The following NCKAP5 variants were observed in gnomAD, a reference collection of about 807,000 sequenced individuals.
NCKAP5 encodes the protein NCK associated protein 5.
In NCKAP5, 92 loss-of-function variants were observed where a neutral mutation model predicts 167.0. The observed-to-expected ratio is 0.55, with a 90% CI of 0.47 to 0.66. NCKAP5 has a LOEUF of 0.66. Ranked by LOEUF, NCKAP5 falls within the 30% of genes least tolerant of loss-of-function variation. NCKAP5 has a pLI of 0.00. For missense variants in NCKAP5, 2,378 were observed against 2,315.0 expected (o/e 1.03, Z -0.56); for synonymous variants, 891 against 877.4 (o/e 1.02, Z -0.27).
At chr2:133,285,190 C>T (rs1428252286) in intron 4 of NCKAP5, among the ~76,000 whole-genome samples, 1 of 152,208 alleles carries the variant, frequency 6.6e-6, no homozygotes, top group Non-Finnish European at 1.5e-5. Context: ...GAAAATATCA[C>T]AGACCACATC....
rs566419271 is a variant in NCKAP5, at chr2:133,083,020, T to A, written c.341+46958A>T. On this transcript the variant is annotated intron_variant, in intron 6 of 19. Coordinates refer to ENST00000409261, the MANE Select transcript of NCKAP5 (RefSeq NM_207363.3). ...CAGGAGAGATGCCACAGTGACCACATGGTTGGGACAACGAGCATCTTGAGT... is the reference window on the plus strand; with the variant it reads ...CAGGAGAGATGCCACAGTGACCACAAGGTTGGGACAACGAGCATCTTGAGT... Among the ~76,000 whole-genome samples the A allele has an allele frequency of 2.4e-4, 37 of 152,208 alleles. No homozygotes were observed. The South Asian group carries it at 2.9e-3, about 12-fold the overall frequency.
intron 19 of NCKAP5, among the ~76,000 whole-genome samples, chr2:132,703,858 C>T (rs2105265161): frequency 6.6e-6 from 1 of 152,086 alleles, no homozygotes; most frequent in East Asian, 1.9e-4. Flanking sequence ...GTTTGAATCC[C>T]TAATAGTATT....
chr2:133,378,943 A>C (rs368384888), intron 3 of NCKAP5, among the ~76,000 whole-genome samples: 12 of 152,318 alleles, frequency 7.9e-5, no homozygotes, highest in African/African-American at 2.9e-4. Flanking sequence ...TAATTATTTC[A>C]ATAAACGAGC....
At chr2:132,697,651 A>G (rs1687473694) in intron 19 of NCKAP5, among the ~76,000 whole-genome samples, 1 of 151,856 alleles carries the variant, frequency 6.6e-6, no homozygotes, top group Admixed American at 6.6e-5. Context: ...GTGTATGTAC[A>G]CGATGACATT....
At chr2:133,292,289 T>A (rs1418854334) in intron 4 of NCKAP5, among the ~76,000 whole-genome samples, 2 of 151,906 alleles carry the variant, frequency 1.3e-5, no homozygotes, top group African/African-American at 4.8e-5. Context: ...ACCCATTTCA[T>A]TTCTCCTTCT....
chr2:133,029,834 T>C (rs1179023678), intron 6 of NCKAP5, among the ~76,000 whole-genome samples: 1 of 152,184 alleles, frequency 6.6e-6, no homozygotes, highest in Non-Finnish European at 1.5e-5. Context: ...TCACTCTCAT[T>C]TATTTTCCTG....
At chr2:133,606,221 C>A in the NCKAP5 span, among the ~76,000 whole-genome samples, 1 of 151,960 alleles carries the variant, frequency 6.6e-6, no homozygotes, top group Non-Finnish European at 1.5e-5. Flanking sequence ...AAAATAATAC[C>A]ATGCCCAATA....
intron 6 of NCKAP5, among the ~76,000 whole-genome samples, chr2:133,091,744 G>A (rs1012869710): frequency 1.4e-4 from 21 of 152,082 alleles, no homozygotes; most frequent in Middle Eastern, 3.4e-3. Flanking sequence ...AAAATTAGCC[G>A]GGCATGGTGG....
intron 6 of NCKAP5, among the ~76,000 whole-genome samples, chr2:133,004,894 G>A (rs1458534747): frequency 6.6e-6 from 1 of 152,106 alleles, no homozygotes; most frequent in Non-Finnish European, 1.5e-5. Context: ...CCTTTCTCAG[G>A]GTTATTCCTT....
chr2:133,222,745 C>A (rs2086710037), intron 4 of NCKAP5, among the ~76,000 whole-genome samples: 1 of 152,142 alleles, frequency 6.6e-6, no homozygotes, highest in Non-Finnish European at 1.5e-5. Flanking sequence ...GCTGCTCATG[C>A]AGACTGGAAA....
At chr2:133,044,585 G>A (rs2079328537) in intron 6 of NCKAP5, among the ~76,000 whole-genome samples, 1 of 152,110 alleles carries the variant, frequency 6.6e-6, no homozygotes, top group African/African-American at 2.4e-5. Flanking sequence ...ATCAAAACTT[G>A]GCAGGATGTG....
intron 19 of NCKAP5, among the ~76,000 whole-genome samples, chr2:132,675,044 T>C (rs937381790): frequency 1.3e-5 from 2 of 152,228 alleles, no homozygotes; most frequent in African/African-American, 4.8e-5. Flanking sequence ...AATTTTCTCT[T>C]TACCTGGATG....
intron 4 of NCKAP5, among the ~76,000 whole-genome samples, chr2:133,285,484 T>A (rs1679042325): frequency 6.6e-6 from 1 of 151,674 alleles, no homozygotes; most frequent in Non-Finnish European, 1.5e-5. Context: ...ACTCTCTTGC[T>A]AATGTAGTAA....
At chr2:133,623,027 G>A in the NCKAP5 span, among the ~76,000 whole-genome samples, 1 of 152,074 alleles carries the variant, frequency 6.6e-6, no homozygotes, top group South Asian at 2.1e-4. Flanking sequence ...CTTTGACAAA[G>A]TAAACAAAAA....
At chr2:133,486,349 G>T (rs1375205758) in intron 3 of NCKAP5, among the ~76,000 whole-genome samples, 1 of 152,216 alleles carries the variant, frequency 6.6e-6, no homozygotes, top group Non-Finnish European at 1.5e-5. Flanking sequence ...TTGCATTTGA[G>T]ATATTTCACT....
At chr2:133,474,800 GT>G (rs11448604) in intron 3 of NCKAP5, among the ~76,000 whole-genome samples, 5 of 148,614 alleles carry the variant, frequency 3.4e-5, no homozygotes, top group South Asian at 2.2e-4. Context: ...GAATTCTAGG[GT>G]TTTTTTTTTG....
At chr2:132,942,812 A>G (rs1697398337) in intron 8 of NCKAP5, among the ~76,000 whole-genome samples, 1 of 152,240 alleles carries the variant, frequency 6.6e-6, no homozygotes, top group African/African-American at 2.4e-5. Flanking sequence ...ACCAGGCCAA[A>G]GTAATCAAGT....
At chr2:133,489,224 G>A (rs949240778) in intron 3 of NCKAP5, among the ~76,000 whole-genome samples, 13 of 152,158 alleles carry the variant, frequency 8.5e-5, no homozygotes, top group African/African-American at 3.1e-4. Context: ...AGAAACTATA[G>A]GCATACATAC....
chr2:133,333,261 T>C (rs1292619277), intron 3 of NCKAP5, among the ~76,000 whole-genome samples: 5 of 152,142 alleles, frequency 3.3e-5, no homozygotes, highest in Admixed American at 1.3e-4. Context: ...GGGATGATAA[T>C]GTTTAGGTAC....
Sources: gnomAD v4.1 joint callset for allele counts (sites outside exome capture counted in the v4.1 genomes callset) on GRCh38, gnomAD v4.1.1 for gene constraint, MANE v1.5 for transcripts, NCBI Gene and HGNC (gene_info 2026-07-23, HGNC 2026-07-21) for gene names.